The following ACSBG2 variants were observed in gnomAD, a reference collection of about 807,000 sequenced individuals.
ACSBG2 encodes long-chain-fatty-acid--CoA ligase ACSBG2.
Under a neutral mutation model 74.7 loss-of-function variants are expected in ACSBG2, and 62 were observed. The ratio of observed to expected loss-of-function variants is 0.83; its 90% CI spans 0.68 to 1.03. The LOEUF (loss-of-function observed/expected upper bound fraction) is 1.03, where lower values mean the gene tolerates loss of function less well. Among genes scored for constraint, ACSBG2 ranks in the 50% least tolerant of loss-of-function variants. The pLI is 0.00. For synonymous variants in ACSBG2, 309 were observed against 294.1 expected, an observed-to-expected ratio of 1.05 and a Z score of -0.52; for missense variants, 730 against 817.6, an observed-to-expected ratio of 0.89 and a Z score of 1.31.
At position 6,182,801 on chromosome 19, in the gene ACSBG2, A is replaced by G; in HGVS notation, c.957A>G (p.Gly319=). 2 of 1,614,196 alleles carry G rather than the reference A, an allele frequency of 1.2e-6. No individual in the cohort carries two copies. Among genetic ancestry groups the G allele is most frequent in the South Asian group, 2.2e-5 (2 of 91,080 alleles). Residue 319 remains glycine, a synonymous_variant, in exon 9 of 15, where the codon GGA becomes GGG. Coordinates refer to ENST00000588485, the MANE Select transcript of ACSBG2 (RefSeq NM_030924.5). The part of the protein sequence containing the change: ...LKEVKPTVFI[G]VPQIWEKIHE... The stretch of plus-strand genomic sequence containing the variant: ...AGGTAAAACCTACTGTCTTCATTGG[A>G]GTGCCTCAAATTTGGGAGAAGATAC...
At chr19:6,181,813 G>GCT (rs1271991609) in intron 8 of ACSBG2, among the ~76,000 whole-genome samples, 2 of 54,418 alleles carry the variant, frequency 3.7e-5, no homozygotes, top group Non-Finnish European at 6.7e-5. Flanking sequence ...GTCCCCACCC[G>GCT]CCCCCCCCCC....
At chr19:6,147,801 C>G (rs1371383598) in intron 3 of ACSBG2, 126 bp downstream of exon 3, 1 of 999,254 alleles carries the variant, frequency 1.0e-6, no homozygotes, top group African/African-American at 1.6e-5. Context: ...CGAAAATTTC[C>G]CTCTGATTCA....
intron 2 of ACSBG2, among the ~76,000 whole-genome samples, chr19:6,141,827 A>T (rs1339371431): frequency 6.7e-6 from 1 of 148,746 alleles, no homozygotes; most frequent in African/African-American, 2.5e-5. Context: ...TTGACCTTCC[A>T]GGCTCAAGTG....
intron 10 of ACSBG2, 36 bp from the exon 11 acceptor site, chr19:6,185,400 C>T (rs2145259126): frequency 1.2e-6 from 2 of 1,610,472 alleles, no homozygotes; most frequent in Non-Finnish European, 1.7e-6. Flanking sequence ...GACTTTGTCC[C>T]TATGAGCCTG....
At chr19:6,183,423 G>C in intron 10 of ACSBG2, 151 bp downstream of exon 10, 1 of 678,344 alleles carries the variant, frequency 1.5e-6, no homozygotes, top group Admixed American at 2.9e-5. Context: ...TCCTAACTCC[G>C]CATGACCGTG....
At position 6,170,661 on chromosome 19, in the gene ACSBG2, C is replaced by T. The variant is rs551802161; in HGVS notation, c.738+4646C>T. 1.3e-4 allele frequency among the ~76,000 whole-genome samples: 20 copies of T among 152,162 alleles called. No homozygotes were observed. In the South Asian group the frequency reaches 4.2e-3, roughly 32 times the overall value. ...TATTAAGACTTTCATTGTGGCCTAG[C>T]ATGTGGTTAATCTTAGAGAACGTTC... On this transcript the variant is annotated intron_variant, in intron 7 of 14. Coordinates refer to ENST00000588485, the MANE Select transcript of ACSBG2 (RefSeq NM_030924.5).
Position 6,183,202 on chromosome 19 carries a change from G to A in ACSBG2, c.1252G>A (p.Glu418Lys), listed in dbSNP as rs868360772. ...TCTAAGCTTGGACATACCTATAGGC[G>A]AGTTGTATGGGTTGAGTGAGAGCTC... The part of the protein sequence containing the change: ...FFLSLDIPIG[E>K]LYGLSESSGP... The change falls in exon 10 of 15, where the codon GAG becomes AAG. Residue 418 changes from glutamate (E) to lysine (K), a missense_variant. Physicochemically the swap from Glu to Lys is moderately conservative, Grantham distance 56. Coordinates refer to ENST00000588485, the MANE Select transcript of ACSBG2 (RefSeq NM_030924.5). 8.7e-6 allele frequency: 14 copies of A among 1,614,050 alleles called. No individual in the cohort carries two copies. The highest frequency in any genetic ancestry group is 2.2e-5 in the South Asian group (2 of 91,086).
chr19:6,137,803 G>A (rs2088642686), intron 1 of ACSBG2, among the ~76,000 whole-genome samples: 1 of 151,818 alleles, frequency 6.6e-6, no homozygotes, highest in Non-Finnish European at 1.5e-5. Context: ...GCCTGCCGCC[G>A]TGCCTGGCTA....
At chr19:6,187,005 T>C (rs2090426373) in intron 11 of ACSBG2, among the ~76,000 whole-genome samples, 1 of 146,848 alleles carries the variant, frequency 6.8e-6, no homozygotes, top group Admixed American at 6.7e-5. Flanking sequence ...CCACTAGGTT[T>C]TTTTTTTTTT....
chr19:6,181,813 GCCCCCCCC>G (rs60054737), intron 8 of ACSBG2, among the ~76,000 whole-genome samples: 3 of 54,418 alleles, frequency 5.5e-5, no homozygotes, highest in African/African-American at 2.2e-4. Context: ...GTCCCCACCC[GCCCCCCCC>G]CCCAACGAAA....
At chr19:6,149,316 C>T (rs534583031) in intron 3 of ACSBG2, among the ~76,000 whole-genome samples, 1 of 152,200 alleles carries the variant, frequency 6.6e-6, no homozygotes, top group East Asian at 1.9e-4. Flanking sequence ...CCAAATGGTT[C>T]CTTTTCCCCC....
At chr19:6,172,415 T>C (rs1033108366) in intron 7 of ACSBG2, among the ~76,000 whole-genome samples, 1 of 152,220 alleles carries the variant, frequency 6.6e-6, no homozygotes, top group Non-Finnish European at 1.5e-5. Context: ...TTGTGTGTGA[T>C]TGTATGGCCT....
intron 11 of ACSBG2, among the ~76,000 whole-genome samples, chr19:6,186,889 A>G (rs114555853): frequency 0.018 from 2,730 of 151,680 alleles, 55 homozygotes; most frequent in African/African-American, 0.046. Flanking sequence ...CAGAGACCCA[A>G]TTTCACTGTG....
At chr19:6,140,300 A>C (rs1056115451) in intron 1 of ACSBG2, among the ~76,000 whole-genome samples, 3 of 152,084 alleles carry the variant, frequency 2.0e-5, no homozygotes, top group Admixed American at 2.0e-4. Flanking sequence ...ACCACTCCAA[A>C]GCCCTCAAAC....
Position 6,180,680 on chromosome 19 carries a change from GC to G in ACSBG2, c.907-2070del, listed in dbSNP as rs2090220341. Among the ~76,000 whole-genome samples, 1 of 152,182 alleles carries G rather than the reference GC, an allele frequency of 6.6e-6. No individual in the cohort carries two copies. Among genetic ancestry groups the G allele is most frequent in the African/African-American group, 2.4e-5 (1 of 41,436 alleles). ...TCTGAAGTACGTGCACCAGAAATGT[GC>G]GAAGGTTACAGTTTCTCTACATCTT... On this transcript the variant is annotated intron_variant, in intron 8 of 14. Coordinates refer to ENST00000588485, the MANE Select transcript of ACSBG2 (RefSeq NM_030924.5). This position sits in a 1 kb window ranked among gnomAD's most constrained non-coding sequence, Gnocchi z 4.3.
intron 6 of ACSBG2, 109 bp downstream of exon 6, chr19:6,161,404 G>A (rs1240548220): frequency 9.9e-6 from 10 of 1,008,468 alleles, no homozygotes; most frequent in East Asian, 5.1e-5. Context: ...GACCTGGCAA[G>A]GGTGGGAACT....
At chr19:6,187,192 ACG>A in intron 11 of ACSBG2, 89 bp from the exon 12 acceptor site, 2 of 1,550,658 alleles carry the variant, frequency 1.3e-6, no homozygotes, top group Non-Finnish European at 1.8e-6. Flanking sequence ...TTTAGTAGAG[ACG>A]GGGTTTCACC....
rs1037574805 is a variant in ACSBG2 at position 6,141,465 on chromosome 19, C to T, written c.-31-48C>T. The T allele has an allele frequency of 3.2e-6, 3 of 927,686 alleles. No homozygotes were observed. The African/African-American group carries it at 4.9e-5, about 15-fold the overall frequency. The allele number at this position is 927,686 out of a possible 1,614,324, so 57.5% of individuals were successfully genotyped here. A position where few individuals can be genotyped will look rare whatever the true frequency, so the allele number is the denominator to read the frequency against. ...GATGGAAGAGTTGGCCTCATCCCTA[C>T]AGCCCCTTTGCCAATCCTGTTAAAC... On this transcript the variant is annotated intron_variant, in intron 1 of 14. Coordinates refer to ENST00000588485, the MANE Select transcript of ACSBG2 (RefSeq NM_030924.5).
intron 2 of ACSBG2, among the ~76,000 whole-genome samples, chr19:6,146,208 G>T (rs534051631): frequency 6.6e-6 from 1 of 152,352 alleles, no homozygotes; most frequent in East Asian, 1.9e-4. Context: ...GGTGGCTCAT[G>T]CCTGTAATCC....
Sources: gnomAD v4.1 joint callset for allele counts (sites outside exome capture counted in the v4.1 genomes callset) on GRCh38, gnomAD v4.1.1 for gene constraint, Gnocchi (gnomAD v3.1) non-coding constraint, MANE v1.5 for transcripts, NCBI Gene and HGNC (gene_info 2026-07-23, HGNC 2026-07-21) for gene names.